The following ERICH1 variants were observed in gnomAD, a reference collection of about 807,000 sequenced individuals.
ERICH1 encodes glutamate-rich protein 1.
A neutral mutation model predicts 39.6 loss-of-function variants in ERICH1; 56 were observed. The observed-to-expected ratio is 1.41, with a 90% CI of 1.14 to 1.77. The LOEUF (loss-of-function observed/expected upper bound fraction) is 1.77. Ranked by LOEUF, ERICH1 falls within the 40% of genes most tolerant of loss-of-function variation. ERICH1 has a pLI of 0.00. For synonymous variants in ERICH1, 313 were observed against 223.6 expected, an observed-to-expected ratio of 1.40 and a Z score of -3.57; for missense variants, 826 against 575.4, an observed-to-expected ratio of 1.44 and a Z score of -4.45.
At chr8:678,549 CATT>C (rs1205314772) in intron 3 of ERICH1, among the ~76,000 whole-genome samples, 1 of 152,224 alleles carries the variant, frequency 6.6e-6, no homozygotes, top group Non-Finnish European at 1.5e-5. Context: ...TTTTACTAAA[CATT>C]TAAAGAAAAA....
rs537837244 is a variant in ERICH1, at chr8:648,838, T to C, written c.976+19760A>G. On this transcript the variant is annotated intron_variant, in intron 3 of 3. Coordinates refer to the ERICH1 transcript ENST00000522706. ...GAAAATTAAAGAGGAAATTTAACAA[T>C]TGCATAATGATAGTAGATTCTAATA... Among the ~76,000 whole-genome samples, 3 of 69,924 alleles carry C rather than the reference T, an allele frequency of 4.3e-5. 1 individual carries two copies. Among genetic ancestry groups the C allele is most frequent in the Admixed American group, 1.2e-4 (1 of 8,098 alleles). 45.9% of individuals were successfully genotyped at this position (69,924 alleles called of 152,430 possible). A position where few individuals can be genotyped will look rare whatever the true frequency, so the allele number is the denominator to read the frequency against.
intron 3 of ERICH1, among the ~76,000 whole-genome samples, chr8:635,216 G>A (rs542624687): frequency 6.6e-6 from 1 of 152,164 alleles, no homozygotes; most frequent in African/African-American, 2.4e-5. Context: ...CTCAGCCTCA[G>A]GAAAGAGCCA....
chr8:650,009 G>A (rs1412320897), intron 3 of ERICH1, among the ~76,000 whole-genome samples: 1 of 152,228 alleles, frequency 6.6e-6, no homozygotes, highest in Non-Finnish European at 1.5e-5. Context: ...CCCGGACCGC[G>A]CCCGGCGAGG....
chr8:654,980 C>A (rs1270227075), intron 3 of ERICH1, among the ~76,000 whole-genome samples: 1 of 152,218 alleles, frequency 6.6e-6, no homozygotes, highest in East Asian at 1.9e-4. Flanking sequence ...TGGGGAGTTG[C>A]GCCCTGGTGC....
intron 3 of ERICH1, chr8:616,496 A>T: frequency 2.2e-6 from 1 of 455,988 alleles, no homozygotes; most frequent in Non-Finnish European, 4.4e-6. Context: ...CGGCCAGAGC[A>T]CTGCTCCCAG....
At chr8:692,413 A>G in intron 3 of ERICH1, 65 bp downstream of exon 3, 1 of 1,610,036 alleles carries the variant, frequency 6.2e-7, no homozygotes, top group East Asian at 2.2e-5. Context: ...TTACAATACC[A>G]GAAAATTGGG....
intron 3 of ERICH1, among the ~76,000 whole-genome samples, chr8:634,179 A>AC (rs1554481854): frequency 0.015 from 653 of 43,578 alleles, 8 homozygotes; most frequent in African/African-American, 0.076. Context: ...AAAAAAAAAA[A>AC]AAAAAAACAA....
At chr8:623,656 C>T (rs1417751978) in intron 3 of ERICH1, among the ~76,000 whole-genome samples, 4 of 152,114 alleles carry the variant, frequency 2.6e-5, no homozygotes, top group Admixed American at 6.5e-5. Context: ...GCATGAAGAA[C>T]AGTCATTTAA....
At chr8:717,377 G>A (rs1396440972) in intron 1 of ERICH1, among the ~76,000 whole-genome samples, 2 of 152,190 alleles carry the variant, frequency 1.3e-5, no homozygotes, top group Admixed American at 6.5e-5. Context: ...CTTGCCTCAA[G>A]CATACCTGCC....
chr8:656,934 C>G (rs1800736295), intron 3 of ERICH1: 3 of 772,468 alleles, frequency 3.9e-6, no homozygotes, highest in South Asian at 5.9e-5. Flanking sequence ...ATATGTTAAC[C>G]TAAATAATGC....
intron 3 of ERICH1, among the ~76,000 whole-genome samples, chr8:688,266 G>GGCCC: frequency 2.2e-5 from 1 of 46,198 alleles, no homozygotes; most frequent in East Asian, 5.3e-4. Context: ...CCCGCCCCCA[G>GGCCC]TTCCGCCCGT....
At chr8:651,208 C>T (rs1799901727) in intron 3 of ERICH1, among the ~76,000 whole-genome samples, 1 of 152,204 alleles carries the variant, frequency 6.6e-6, no homozygotes, top group African/African-American at 2.4e-5. Context: ...TCTGGTTCAG[C>T]TCAAGTTGTT....
In ERICH1 at chr8:708,691, T is replaced by G. The variant is rs1177721110; in HGVS notation, c.169+7170A>C. Among the ~76,000 whole-genome samples, 145 of 89,322 alleles carry G rather than the reference T, an allele frequency of 1.6e-3. 3 individuals carry two copies. Among genetic ancestry groups the G allele is most frequent in the African/African-American group, 6.3e-3 (126 of 20,054 alleles). 58.6% of individuals were successfully genotyped at this position (89,322 alleles called of 152,430 possible). A position where few individuals can be genotyped will look rare whatever the true frequency, so the allele number is the denominator to read the frequency against. ...GTTACGGGATAATGAGTTTTTTTTTTTTTTTTTTTTTTTTTTTTTTGAGAC... is the reference window on the plus strand; with the variant it reads ...GTTACGGGATAATGAGTTTTTTTTTGTTTTTTTTTTTTTTTTTTTTGAGAC... On this transcript the variant is annotated intron_variant, in intron 2 of 5. Transcript: ENST00000262109.
At chr8:712,488 G>A (rs1008978958) in intron 2 of ERICH1, among the ~76,000 whole-genome samples, 30 of 152,194 alleles carry the variant, frequency 2.0e-4, no homozygotes, top group African/African-American at 7.2e-4. Context: ...GGAGTGCAGT[G>A]ACATGATCTC....
chr8:627,180 C>G (rs536507473), intron 3 of ERICH1: 7 of 456,302 alleles, frequency 1.5e-5, no homozygotes, highest in Non-Finnish European at 3.1e-5. Context: ...CATGTAGCCA[C>G]TGATGTGCTG....
chr8:676,844 T>A (rs1368438323), intron 3 of ERICH1, among the ~76,000 whole-genome samples: 1 of 151,934 alleles, frequency 6.6e-6, no homozygotes, highest in Non-Finnish European at 1.5e-5. Context: ...CCTGTTGGAG[T>A]TTTCTGAGCT....
intron 2 of ERICH1, among the ~76,000 whole-genome samples, chr8:705,772 A>C (rs1438308344): frequency 6.6e-6 from 1 of 152,182 alleles, no homozygotes; most frequent in Non-Finnish European, 1.5e-5. Flanking sequence ...GGAAAAAGTA[A>C]AACTACCCGA....
intron 2 of ERICH1, among the ~76,000 whole-genome samples, chr8:694,654 G>T (rs1055981746): frequency 1.3e-5 from 2 of 152,214 alleles, no homozygotes; most frequent in African/African-American, 4.8e-5. Context: ...AGCACCACGA[G>T]GGGCCTCACG....
chr8:686,114 C>A (rs1329882251), intron 3 of ERICH1, among the ~76,000 whole-genome samples: 1 of 152,148 alleles, frequency 6.6e-6, no homozygotes, highest in African/African-American at 2.4e-5. Flanking sequence ...GAGATTGCGC[C>A]ACTGCACTCC....
Sources: allele counts gnomAD v4.1 joint callset (sites outside exome capture counted in the v4.1 genomes callset), GRCh38; gene constraint gnomAD v4.1.1; transcripts MANE v1.5; gene names NCBI Gene and HGNC (gene_info 2026-07-23, HGNC 2026-07-21).